The following COL4A3 variants were observed in gnomAD, a reference collection of about 807,000 sequenced individuals.
COL4A3 encodes the protein collagen type IV alpha 3 chain, also known as collagen alpha-3(IV) chain.
Under a neutral mutation model 217.4 loss-of-function variants are expected in COL4A3, and 135 were observed. The observed-to-expected ratio is 0.62, with a 90% CI of 0.54 to 0.72. The LOEUF (loss-of-function observed/expected upper bound fraction) is 0.72. COL4A3 is among the 30% of genes least tolerant of loss of function. The pLI is 0.00. For missense variants in COL4A3, 1,868 were observed against 2,119.9 expected (o/e 0.88, Z 2.33); for synonymous variants, 690 against 736.3 (o/e 0.94, Z 1.02).
At chr2:227,244,396 TA>T (rs753321600) in intron 4 of COL4A3, 32 bp downstream of exon 4, 1 of 1,600,962 alleles carries the variant, frequency 6.2e-7, no homozygotes, top group Non-Finnish European at 8.6e-7. Flanking sequence ...CCCTGATCGT[TA>T]AAAGATCAGC....
intron 1 of COL4A3, among the ~76,000 whole-genome samples, chr2:227,213,718 A>G (rs372338490): frequency 1.8e-4 from 27 of 152,228 alleles, no homozygotes; most frequent in African/African-American, 6.3e-4. Flanking sequence ...CCTGGTCAAC[A>G]TGGTGAAACC....
chr2:227,260,985 TTATTAAC>T, intron 19 of COL4A3, 90 bp from the exon 20 acceptor site: 2 of 963,300 alleles, frequency 2.1e-6, no homozygotes, highest in Non-Finnish European at 3.4e-6. Context: ...AAACTCTGTA[TTATTAAC>T]TATCAGTATA....
rs56065709 is a variant in COL4A3, at chr2:227,302,677, C to CAAAAAAAAAAAAAAAAAAAAAAA, written c.3883-354_3883-332dup. On this transcript the variant is annotated intron_variant, in intron 43 of 51. Coordinates refer to ENST00000396578, the MANE Select transcript of COL4A3 (RefSeq NM_000091.5). ...GGAGGACAAAACGAGACTCTTTCTC[C>CAAAAAAAAAAAAAAAAAAAAAAA]AAAAAAAAAAAAAAAAAAAAAAAAA... Among the ~76,000 whole-genome samples, 112 of 79,888 alleles carry CAAAAAAAAAAAAAAAAAAAAAAA rather than the reference C, an allele frequency of 1.4e-3. 11 individuals carry two copies. The highest frequency in any genetic ancestry group is 1.8e-3 in the Non-Finnish European group (84 of 45,764). The allele number at this position is 79,888 out of a possible 152,430, so 52.4% of individuals were successfully genotyped here.
intron 44 of COL4A3, 123 bp downstream of exon 44, chr2:227,303,233 A>C (rs1368617649): frequency 1.3e-6 from 1 of 780,574 alleles, no homozygotes; most frequent in African/African-American, 1.7e-5. Context: ...CCTCAATACG[A>C]GTGAAGTAGG....
intron 2 of COL4A3, among the ~76,000 whole-genome samples, chr2:227,239,697 T>A (rs1678094054): frequency 6.6e-6 from 1 of 152,246 alleles, no homozygotes; most frequent in Admixed American, 6.5e-5. Context: ...CTCAGACTCA[T>A]AACCTGCCTG....
chr2:227,200,380 CAG>C (rs1298151953), intron 1 of COL4A3, among the ~76,000 whole-genome samples: 3 of 152,202 alleles, frequency 2.0e-5, no homozygotes, highest in Non-Finnish European at 2.9e-5. Context: ...TGGTTCTACA[CAG>C]AGTTTCAACT....
intron 1 of COL4A3, among the ~76,000 whole-genome samples, chr2:227,176,666 T>C (rs1311476305): frequency 2.6e-5 from 4 of 152,214 alleles, no homozygotes; most frequent in Admixed American, 6.5e-5. Context: ...TTTGTCGTTA[T>C]GTAGACAAAA....
chr2:227,174,782 T>C (rs6705982), intron 1 of COL4A3, among the ~76,000 whole-genome samples: 7,527 of 152,240 alleles, frequency 0.049, 231 homozygotes, highest in Admixed American at 0.087. Context: ...GTTGGGATTA[T>C]AGGCGTGAGC....
chr2:227,183,582 A>G (rs2065924967), intron 1 of COL4A3, among the ~76,000 whole-genome samples: 1 of 152,206 alleles, frequency 6.6e-6, no homozygotes, highest in Non-Finnish European at 1.5e-5. Context: ...TGGAGTTACC[A>G]AACTTGGCCA....
At chr2:227,293,394 C>T (rs550626003) in intron 38 of COL4A3, 77 bp downstream of exon 38, 16 of 1,516,028 alleles carry the variant, frequency 1.1e-5, no homozygotes, top group South Asian at 1.2e-5. Flanking sequence ...TTGTGGTAAA[C>T]AGAAAGCTAT....
intron 1 of COL4A3, among the ~76,000 whole-genome samples, chr2:227,236,764 A>G (rs533699766): frequency 3.3e-5 from 5 of 151,600 alleles, no homozygotes; most frequent in Non-Finnish European, 5.9e-5. Context: ...GGTTCAAGCC[A>G]TTCTCCTGCC....
At chr2:227,201,104 T>C (rs1405956756) in intron 1 of COL4A3, among the ~76,000 whole-genome samples, 1 of 111,838 alleles carries the variant, frequency 8.9e-6, no homozygotes, top group Admixed American at 7.8e-5. Flanking sequence ...TTATTCTTAT[T>C]AGGTTATGTT....
chr2:227,245,195 G>C (rs1463654689), intron 5 of COL4A3, among the ~76,000 whole-genome samples, 200 bp downstream of exon 5: 1 of 151,962 alleles, frequency 6.6e-6, no homozygotes, highest in African/African-American at 2.4e-5. Flanking sequence ...ATACAAGCAG[G>C]ACAGGATAGG....
rs146604171 is a variant in COL4A3, at chr2:227,188,799, G to A, written c.87+23986G>A. Among the ~76,000 whole-genome samples, 785 of 152,278 alleles carry A rather than the reference G, an allele frequency of 5.2e-3. 8 individuals are homozygous for A. Among genetic ancestry groups the A allele is most frequent in the African/African-American group, 0.018 (753 of 41,550 alleles). On this transcript the variant is annotated intron_variant, in intron 1 of 51. Transcript: ENST00000396578. ...AATATTTATAAGGCACTTACTGTGTGCTAGGTGCTGTGTTATGGCTGAAGA... is the reference window on the plus strand; with the variant it reads ...AATATTTATAAGGCACTTACTGTGTACTAGGTGCTGTGTTATGGCTGAAGA...
intron 1 of COL4A3, among the ~76,000 whole-genome samples, chr2:227,172,581 C>CTTTTTTTT (rs11315628): frequency 3.1e-4 from 23 of 73,572 alleles, no homozygotes; most frequent in South Asian, 6.6e-4. Context: ...TCGTCTTCTT[C>CTTTTTTTT]TTTTTTTTTT....
chr2:227,302,722 T>A (rs1399828665), intron 43 of COL4A3, among the ~76,000 whole-genome samples: 1 of 123,784 alleles, frequency 8.1e-6, no homozygotes, highest in African/African-American at 3.1e-5. Context: ...CTGGCAGTAC[T>A]GGGCTACTCC....
chr2:227,203,260 CATATATGTGT>C (rs200949714), intron 1 of COL4A3, among the ~76,000 whole-genome samples: 10,382 of 44,330 alleles, frequency 0.23, 4,448 homozygotes, highest in Middle Eastern at 0.39. Context: ...TGTATATATA[CATATATGTGT>C]ATATATGTGT....
At chr2:227,236,912 C>T (rs998555743) in intron 1 of COL4A3, among the ~76,000 whole-genome samples, 3 of 152,266 alleles carry the variant, frequency 2.0e-5, no homozygotes, top group South Asian at 4.1e-4. Flanking sequence ...CTGCCTGCCT[C>T]GGCCTCCCAA....
intron 20 of COL4A3, among the ~76,000 whole-genome samples, chr2:227,262,869 A>C (rs1307260048): frequency 6.6e-6 from 1 of 152,182 alleles, no homozygotes. Context: ...CTAATGTTTG[A>C]TAGCACAGTA....
Sources: allele counts gnomAD v4.1 joint callset (sites outside exome capture counted in the v4.1 genomes callset), GRCh38; gene constraint gnomAD v4.1.1; transcripts MANE v1.5; gene names NCBI Gene and HGNC (gene_info 2026-07-23, HGNC 2026-07-21).